Variants in CD226 observed in about 807,000 individuals in gnomAD.
CD226 encodes CD226 antigen.
A neutral mutation model predicts 34.9 loss-of-function variants in CD226; 24 were observed. The ratio of observed to expected loss-of-function variants is 0.69; its 90% CI spans 0.50 to 0.97. The LOEUF (loss-of-function observed/expected upper bound fraction) is 0.97, where lower values mean the gene tolerates loss of function less well. Ranked by LOEUF, CD226 falls within the 50% of genes least tolerant of loss-of-function variation. The pLI is 0.00. For missense variants in CD226, 397 were observed against 412.7 expected (o/e 0.96, Z 0.33); for synonymous variants, 148 against 147.4 (o/e 1.00, Z -0.03).
chr18:69,957,066 C>T (rs1170966702), upstream of CD226: 2 of 152,196 alleles, frequency 1.3e-5, no homozygotes, highest in Non-Finnish European at 2.9e-5. Context: ...CTTCTGGAAG[C>T]AACTTTACTA....
In CD226 at chr18:69,857,710, G is replaced by T. The variant is rs1437231385; in HGVS notation, c.*6604C>A. ...AAGGCTTCCTTTTCAGGAATTTGGA[G>T]AACTTATGCTTGGTATTTTAAACTC... On this transcript the variant is annotated 3_prime_UTR_variant, in exon 6 of 6. Transcript: ENST00000582621. 1 of 152,186 alleles carries T rather than the reference G, an allele frequency of 6.6e-6. No homozygotes were observed. Among genetic ancestry groups the T allele is most frequent in the Admixed American group, 6.5e-5 (1 of 15,290 alleles). The allele number at this position is 152,186 out of a possible 1,614,324, so 9.4% of individuals were successfully genotyped here. A position where few individuals can be genotyped will look rare whatever the true frequency, so the allele number is the denominator to read the frequency against.
At chr18:69,909,623 T>C (rs767296336) in intron 2 of CD226, among the ~76,000 whole-genome samples, 13 of 152,298 alleles carry the variant, frequency 8.5e-5, no homozygotes, top group Non-Finnish European at 1.8e-4. Flanking sequence ...AATCATCACA[T>C]CGATTCAGAA....
chr18:69,871,615 G>C (rs1983526234), intron 4 of CD226, among the ~76,000 whole-genome samples: 1 of 152,198 alleles, frequency 6.6e-6, no homozygotes, highest in African/African-American at 2.4e-5. Flanking sequence ...TCACAGAGGG[G>C]ACAGGTGTTT....
Position 69,946,830 on chromosome 18 carries a change from G to T in CD226, c.286C>A (p.Arg96=), listed in dbSNP as rs377159737. 1.2e-6 allele frequency: 2 copies of T among 1,614,050 alleles called. No homozygotes were observed. Among genetic ancestry groups the T allele is most frequent in the Non-Finnish European group, 8.5e-7 (1 of 1,179,990 alleles). The change falls in exon 2 of 6, where the codon CGG becomes AGG. Residue 96 remains arginine (R), a synonymous_variant. Coordinates refer to ENST00000582621, the MANE Select transcript of CD226 (RefSeq NM_001303618.2). The part of the protein sequence containing the change: ...MASNNMTLFF[R]NASEDDVGYY... The stretch of plus-strand genomic sequence containing the variant: ...CCAACATCATCTTCAGAGGCATTCC[G>T]AAAGAAAAGAGTCATGTTATTGGAA...
chr18:69,894,231 A>T (rs965986058), intron 3 of CD226, among the ~76,000 whole-genome samples: 1 of 149,102 alleles, frequency 6.7e-6, no homozygotes, highest in Non-Finnish European at 1.5e-5. Flanking sequence ...TAAAAAAAAA[A>T]TCACTTTTTC....
chr18:69,935,858 G>A (rs552036578), intron 2 of CD226, among the ~76,000 whole-genome samples: 1 of 152,260 alleles, frequency 6.6e-6, no homozygotes, highest in Admixed American at 6.5e-5. Context: ...ACAATAAGAA[G>A]GGTACAGTTT....
intron 2 of CD226, among the ~76,000 whole-genome samples, chr18:69,942,886 T>C (rs915126671): frequency 2.6e-5 from 4 of 152,188 alleles, no homozygotes; most frequent in African/African-American, 9.7e-5. Context: ...CCCTTCCCTC[T>C]CTGTCTTCTC....
chr18:69,936,904 T>C (rs2055660990), intron 2 of CD226, among the ~76,000 whole-genome samples: 1 of 152,230 alleles, frequency 6.6e-6, no homozygotes, highest in East Asian at 1.9e-4. Context: ...TCTTTCTCTG[T>C]GGCCTTCTTA....
intron 4 of CD226, among the ~76,000 whole-genome samples, chr18:69,868,042 G>A (rs539837297): frequency 1.3e-5 from 2 of 152,128 alleles, no homozygotes; most frequent in East Asian, 3.9e-4. Flanking sequence ...GAATCACTTC[G>A]CCGTGACTGA....
chr18:69,959,752 A>T (rs2055920909), upstream of CD226, among the ~76,000 whole-genome samples: 1 of 152,328 alleles, frequency 6.6e-6, no homozygotes, highest in East Asian at 1.9e-4. Flanking sequence ...GGGGAACCCT[A>T]TGATGAAACG....
chr18:69,869,385 T>C (rs571389738), intron 4 of CD226, among the ~76,000 whole-genome samples: 75 of 152,300 alleles, frequency 4.9e-4, no homozygotes, highest in Non-Finnish European at 9.4e-4. Flanking sequence ...CCATTATCCT[T>C]AGCAAACTCA....
At chr18:69,955,015 A>G (rs1417662538) in intron 1 of CD226, among the ~76,000 whole-genome samples, 2 of 151,984 alleles carry the variant, frequency 1.3e-5, no homozygotes, top group Admixed American at 1.3e-4. Context: ...ATTAATCAAA[A>G]TATTACTGGA....
In CD226 at chr18:69,935,025, T is replaced by A. The variant is rs545878365; in HGVS notation, c.382+11709A>T. ...AAACAAAAACCAGCAACAAAAACCA[T>A]AACTTAGAAACCAGATCTTTTTATC... On this transcript the variant is annotated intron_variant, in intron 2 of 5. Coordinates refer to ENST00000582621, the MANE Select transcript of CD226 (RefSeq NM_001303618.2). Among the ~76,000 whole-genome samples the A allele has an allele frequency of 2.9e-4, 44 of 152,272 alleles. 2 individuals carry two copies. The highest frequency in any genetic ancestry group is 5.4e-4 in the Non-Finnish European group (37 of 68,018).
intron 2 of CD226, among the ~76,000 whole-genome samples, chr18:69,933,066 G>C (rs1026578485): frequency 6.6e-6 from 1 of 152,154 alleles, no homozygotes; most frequent in African/African-American, 2.4e-5. Flanking sequence ...GCTGCACCGT[G>C]GGGGCAGTGT....
intron 3 of CD226, among the ~76,000 whole-genome samples, chr18:69,890,212 G>C (rs527413025): frequency 6.6e-6 from 1 of 152,158 alleles, no homozygotes; most frequent in African/African-American, 2.4e-5. Context: ...CACTTACTGG[G>C]CATATTCTGA....
chr18:69,908,957 T>G (rs977824242), intron 2 of CD226, among the ~76,000 whole-genome samples: 2 of 152,252 alleles, frequency 1.3e-5, no homozygotes, highest in African/African-American at 4.8e-5. Context: ...TGATGCCACC[T>G]TATCCTGTGA....
intron 3 of CD226, among the ~76,000 whole-genome samples, chr18:69,887,437 T>C (rs1598971325): frequency 6.6e-6 from 1 of 152,240 alleles, no homozygotes; most frequent in South Asian, 2.1e-4. Flanking sequence ...TTGGTGAGCC[T>C]GTATTTTTCT....
intron 2 of CD226, among the ~76,000 whole-genome samples, chr18:69,934,664 AAAG>A (rs1397703983): frequency 2.0e-5 from 3 of 147,146 alleles, no homozygotes; most frequent in Admixed American, 6.6e-5. Context: ...GGCAGATTAC[AAAG>A]AAGATTTTTT....
At chr18:69,957,705 C>T (rs954486261), upstream of CD226, among the ~76,000 whole-genome samples, 3 of 152,104 alleles carry the variant, frequency 2.0e-5, no homozygotes, top group African/African-American at 7.2e-5. Flanking sequence ...GCTGGACCAC[C>T]GCATATACGA....
Sources: gnomAD v4.1 joint callset for allele counts (sites outside exome capture counted in the v4.1 genomes callset) on GRCh38, gnomAD v4.1.1 for gene constraint, MANE v1.5 for transcripts, NCBI Gene and HGNC (gene_info 2026-07-23, HGNC 2026-07-21) for gene names.